The following PKD1L3 variants were observed in gnomAD, a reference collection of about 807,000 sequenced individuals.
PKD1L3 encodes polycystin-1-like protein 3.
Under a neutral mutation model 184.1 loss-of-function variants are expected in PKD1L3, and 239 were observed. That is an observed-to-expected ratio of 1.30 (90% CI 1.17 to 1.45). The LOEUF (loss-of-function observed/expected upper bound fraction) is 1.45. Among genes scored for constraint, PKD1L3 ranks in the 40% most tolerant of loss-of-function variants. The pLI, the probability that PKD1L3 is intolerant of heterozygous loss-of-function variation, is 0.00. For synonymous variants in PKD1L3, 996 were observed against 778.8 expected, an observed-to-expected ratio of 1.28 and a Z score of -4.64; for missense variants, 2,660 against 2,067.2, an observed-to-expected ratio of 1.29 and a Z score of -5.56.
chr16:71,934,491 GGAGCCAT>G (rs2038106589), intron 26 of PKD1L3, among the ~76,000 whole-genome samples: 1 of 152,156 alleles, frequency 6.6e-6, no homozygotes, highest in African/African-American at 2.4e-5. Flanking sequence ...CCCAGAGAGA[GGAGCCAT>G]GCTGCTGGTC....
chr16:71,963,142 G>C (rs190760104), intron 16 of PKD1L3, 63 bp downstream of exon 16: 2 of 1,408,322 alleles, frequency 1.4e-6, no homozygotes, highest in East Asian at 2.6e-5. Flanking sequence ...CAATTCAATC[G>C]TGAACAATTC....
chr16:71,941,683 C>G (rs915744737), intron 24 of PKD1L3, among the ~76,000 whole-genome samples: 2 of 146,944 alleles, frequency 1.4e-5, no homozygotes, highest in African/African-American at 5.0e-5. Context: ...CTCCTGGGTT[C>G]AAGCGATTCT....
At position 71,930,069 on chromosome 16, in the gene PKD1L3, C is replaced by A. The variant is rs1567480860; in HGVS notation, c.5041G>T (p.Glu1681Ter). Residue 1681 changes from glutamate to a stop codon, truncating the protein, a stop_gained, in exon 29 of 30, where the codon GAA becomes TAA. Transcript: ENST00000620267. LOFTEE classifies it low-confidence loss of function (END_TRUNC). ...VSAILMAFGK[E>*]RKSLKKEAAL... ...TTACCTACCTTAAGCGACTTTCTTTCTTTTCCAAAGGCCATGAGAATGGCC... is the reference window on the plus strand; with the variant it reads ...TTACCTACCTTAAGCGACTTTCTTTATTTTCCAAAGGCCATGAGAATGGCC... 2 of 1,549,284 alleles carry A rather than the reference C, an allele frequency of 1.3e-6. No individual in the cohort carries two copies. Among genetic ancestry groups the A allele is most frequent in the Admixed American group, 4.0e-5 (2 of 50,028 alleles).
At position 71,990,477 on chromosome 16, in the gene PKD1L3, A is replaced by G. The variant is rs574896354; in HGVS notation, c.536-148T>C. On this transcript the variant is annotated intron_variant, in intron 3 of 29. Transcript: ENST00000620267. The stretch of plus-strand genomic sequence containing the variant: ...GCCGGACATGGTAGCTCATGTCTGT[A>G]ATCCCAGCACTTTGGGAGGCTGAGG... 1.0e-5 allele frequency: 6 copies of G among 591,904 alleles called. No homozygotes were observed. The African/African-American group carries it at 1.1e-4, about 11-fold the overall frequency. 36.7% of individuals were successfully genotyped at this position (591,904 alleles called of 1,614,324 possible).
chr16:71,983,593 C>T (rs1302796841), intron 6 of PKD1L3, among the ~76,000 whole-genome samples: 1 of 150,826 alleles, frequency 6.6e-6, no homozygotes, highest in Non-Finnish European at 1.5e-5. Flanking sequence ...AAAAAATATG[C>T]TTGCTAAAAT....
At chr16:71,950,097 A>C (rs2038772880) in intron 20 of PKD1L3, 21 bp downstream of exon 20, 1 of 1,549,330 alleles carries the variant, frequency 6.5e-7, no homozygotes, top group African/African-American at 1.4e-5. Context: ...GGGATAAAGA[A>C]GGCTTGGTGT....
rs932352257 is a variant in PKD1L3, at chr16:71,990,091, A to G, written c.585+189T>C. Among the ~76,000 whole-genome samples the G allele has an allele frequency of 2.7e-4, 40 of 149,542 alleles. 1 individual carries two copies. The highest frequency in any genetic ancestry group is 9.4e-4 in the African/African-American group (37 of 39,348). On this transcript the variant is annotated intron_variant, in intron 4 of 29. Coordinates refer to ENST00000620267, the MANE Select transcript of PKD1L3 (RefSeq NM_181536.2). ...GAGACCCTGTCTCTCCCACCAAAAA[A>G]AAAAAAAAAAAAAATCCTTGAATGA...
chr16:71,942,869 G>C lies in PKD1L3; in HGVS notation c.4015C>G (p.Leu1339Val). Residue 1339 changes from leucine (L) to valine (V), a missense_variant, in exon 24 of 30, where the codon CTT (leucine) becomes GTT (valine). By Grantham distance (32) the Leu-to-Val change is conservative. Transcript: ENST00000620267. ...TAATCCCCATACAGGCTAGGAAGAA[G>C]GATATGATTGGCCCAGGGGTAGAAA... ...QDFYPWANHI[L>V]LPSLYGDYRG... is the part of the protein sequence containing the mutation. The C allele has an allele frequency of 6.4e-7, 1 of 1,551,666 alleles. No individual in the cohort carries two copies. The highest frequency in any genetic ancestry group is 8.7e-7 in the Non-Finnish European group (1 of 1,146,970).
At chr16:71,974,319 C>CA (rs1270463580) in intron 11 of PKD1L3, among the ~76,000 whole-genome samples, 2 of 152,024 alleles carry the variant, frequency 1.3e-5, no homozygotes, top group Non-Finnish European at 2.9e-5. Flanking sequence ...TCCTGTCTCT[C>CA]AAAAAAAGGT....
At chr16:71,974,841 G>C (rs2039859137) in intron 11 of PKD1L3, among the ~76,000 whole-genome samples, 1 of 152,220 alleles carries the variant, frequency 6.6e-6, no homozygotes, top group South Asian at 2.1e-4. Context: ...TCCTGTGTGA[G>C]TGGTGCCCAT....
At position 71,942,581 on chromosome 16, in the gene PKD1L3, CA is replaced by C; in HGVS notation, c.4302del (p.Asn1434LysfsTer7). On this transcript the variant is annotated frameshift_variant, in exon 24 of 30. Transcript: ENST00000620267. LOFTEE classifies it high-confidence loss of function. The part of the protein sequence containing the change: ...LHERLTSKNE[N>X]GFSYIMRGAF... ...TTACCTCTCATGATGTAACTGAATC[CA>C]TTCTCATTCTTGCTTGTCAGCCTTT... is the stretch of plus-strand genomic sequence containing the variant. The C allele has an allele frequency of 6.4e-7, 1 of 1,551,400 alleles. No homozygotes were observed. The highest frequency in any genetic ancestry group is 2.0e-5 in the Admixed American group (1 of 50,986).
chr16:71,967,263 C>CT lies in PKD1L3; in HGVS notation c.2338_2339insA (p.Cys780Ter), dbSNP rs2039535667. The CT allele has an allele frequency of 6.4e-7, 1 of 1,551,508 alleles. No homozygotes were observed. The highest frequency in any genetic ancestry group is 1.4e-5 in the African/African-American group (1 of 73,036). ...SEGRSEPHHL[C>*]DPQKTVFERG... ...TTCAAAGACTGTCTTCTGGGGGTCA[C>CT]AGAGGTGATGGGGCTCACTCCGTCC... Residue 780 changes from cysteine to a stop codon, truncating the protein, a stop_gained and frameshift_variant, in exon 15 of 30, where the codon TGT becomes TAGT. Transcript: ENST00000620267. LOFTEE classifies it high-confidence loss of function.
intron 24 of PKD1L3, among the ~76,000 whole-genome samples, chr16:71,937,692 GTTA>G (rs1218145782): frequency 4.6e-5 from 7 of 152,144 alleles, no homozygotes; most frequent in South Asian, 2.1e-4. Flanking sequence ...TGGCTTAACA[GTTA>G]TTATAGATGT....
chr16:71,990,798 C>G (rs2040560734), intron 3 of PKD1L3, among the ~76,000 whole-genome samples: 1 of 151,478 alleles, frequency 6.6e-6, no homozygotes, highest in South Asian at 2.1e-4. Flanking sequence ...ATGATGATCA[C>G]TCGAGGACCT....
In PKD1L3 at chr16:71,982,235, C is replaced by T. The variant is rs2040190053; in HGVS notation, c.967G>A (p.Val323Ile). The change falls in exon 7 of 30, where the codon GTT becomes ATT. Residue 323 changes from valine (V) to isoleucine (I), a missense_variant and splice_region_variant. Val to Ile is a conservative substitution (Grantham distance 29). Transcript: ENST00000620267. ...TAAATAAGGGAATTGATGAGATTAA[C>T]CTGGGAGGATTAGAAAGCAAACATA... ...LTPRFSKPAQ[V>I]NLINSLIYLS... 6.7e-7 allele frequency: 1 copy of T among 1,500,442 alleles called. No individual in the cohort carries two copies. Among genetic ancestry groups the T allele is most frequent in the East Asian group, 2.5e-5 (1 of 39,774 alleles). The allele number at this position is 1,500,442 out of a possible 1,614,324, so 92.9% of individuals were successfully genotyped here. A position where few individuals can be genotyped will look rare whatever the true frequency, so the allele number is the denominator to read the frequency against.
At chr16:71,961,895 G>T (rs996158436) in intron 16 of PKD1L3, among the ~76,000 whole-genome samples, 1 of 152,188 alleles carries the variant, frequency 6.6e-6, no homozygotes, top group African/African-American at 2.4e-5. Context: ...AGTACCAGAA[G>T]AAACAGTTCC....
intron 10 of PKD1L3, 45 bp from the exon 11 acceptor site, chr16:71,977,512 T>C (rs2039976121): frequency 1.4e-6 from 2 of 1,407,650 alleles, no homozygotes; most frequent in Non-Finnish European, 2.0e-6. Context: ...CATCCATTGA[T>C]GTCTTTCAAA....
chr16:71,954,939 C>T (rs1567510381), intron 16 of PKD1L3, among the ~76,000 whole-genome samples: 1 of 152,010 alleles, frequency 6.6e-6, no homozygotes, highest in Admixed American at 6.6e-5. Context: ...AGGGACAAAG[C>T]CAACTTCATT....
At position 72,000,276 on chromosome 16, in the gene PKD1L3, C is replaced by T. The variant is rs980467300; in HGVS notation, c.-298G>A. On this transcript the variant is annotated 5_prime_UTR_variant, in exon 1 of 30. In the 5' UTR this introduces an upstream ATG that the reference lacks. Coordinates refer to ENST00000620267, the MANE Select transcript of PKD1L3 (RefSeq NM_181536.2). ...ATTATAAAGCTGAGTCTAAGCTGCA[C>T]TGGGTAGAGGATGATGAATATCTAA... 4.6e-5 allele frequency among the ~76,000 whole-genome samples: 7 copies of T among 152,116 alleles called. No homozygotes were observed. Among genetic ancestry groups the T allele is most frequent in the African/African-American group, 1.7e-4 (7 of 41,396 alleles).
Sources: allele counts gnomAD v4.1 joint callset (sites outside exome capture counted in the v4.1 genomes callset), GRCh38; gene constraint gnomAD v4.1.1; transcripts MANE v1.5; gene names NCBI Gene and HGNC (gene_info 2026-07-23, HGNC 2026-07-21).